Variants in SLCO4C1 observed in about 807,000 individuals in gnomAD.
The protein encoded by SLCO4C1 is solute carrier organic anion transporter family member 4C1, also known as organic anion transporter M1.
Under a neutral mutation model 72.1 loss-of-function variants are expected in SLCO4C1, and 58 were observed. The ratio of observed to expected loss-of-function variants is 0.80; its 90% confidence interval spans 0.65 to 1.00. The LOEUF (loss-of-function observed/expected upper bound fraction) is 1.00, where lower values mean the gene tolerates loss of function less well. Among genes scored for constraint, SLCO4C1 ranks in the 50% least tolerant of loss-of-function variants. The probability of loss-of-function intolerance (pLI) is 0.00; values close to 1 mark genes in which losing one functional copy is unlikely to be tolerated. For missense variants in SLCO4C1, 898 were observed against 857.9 expected (o/e 1.05, Z -0.58); for synonymous variants, 297 against 312.5 (o/e 0.95, Z 0.52).
At chr5:102,287,534 C>CTTTT (rs148132091) in intron 2 of SLCO4C1, among the ~76,000 whole-genome samples, 298 of 79,932 alleles carry the variant, frequency 3.7e-3, no homozygotes, top group Non-Finnish European at 5.1e-3. Context: ...TTTTTCACTT[C>CTTTT]TTTTTTTTTT....
At chr5:102,287,740 G>C (rs969187357) in intron 2 of SLCO4C1, among the ~76,000 whole-genome samples, 1 of 151,570 alleles carries the variant, frequency 6.6e-6, no homozygotes, top group Non-Finnish European at 1.5e-5. Flanking sequence ...ATTTTTAGTA[G>C]AGACGGGGTT....
intron 2 of SLCO4C1, among the ~76,000 whole-genome samples, chr5:102,288,389 A>C (rs545703970): frequency 3.2e-4 from 48 of 152,258 alleles, no homozygotes; most frequent in African/African-American, 1.1e-3. Context: ...TATATCCAAC[A>C]GAGTCCTATT....
At chr5:102,295,782 G>C (rs1277234473) in intron 1 of SLCO4C1, 126 bp downstream of exon 1, 1 of 950,352 alleles carries the variant, frequency 1.1e-6, no homozygotes, top group Non-Finnish European at 1.5e-6. Context: ...TTCCAAACCC[G>C]GGGCCACCTT....
chr5:102,270,843 C>A (rs751903097), intron 2 of SLCO4C1, 37 bp from the exon 3 acceptor site: 2 of 1,466,716 alleles, frequency 1.4e-6, no homozygotes, highest in South Asian at 2.8e-5. Flanking sequence ...TATAGAAATT[C>A]AGCTAATAAT....
intron 2 of SLCO4C1, among the ~76,000 whole-genome samples, chr5:102,285,611 T>C (rs1749437655): frequency 6.6e-6 from 1 of 152,160 alleles, no homozygotes; most frequent in Admixed American, 6.6e-5. Flanking sequence ...ATCTAGGAAG[T>C]ATGAGAAAGA....
rs766119306 is a variant in SLCO4C1, at chr5:102,249,717, G to A, written c.1541C>T (p.Pro514Leu). Residue 514 changes from proline to leucine, a missense_variant, in exon 9 of 13, where the codon CCT becomes CTT. Physicochemically the swap from Pro to Leu is moderately conservative, Grantham distance 98 (BLOSUM62 -3). Transcript: ENST00000310954. The part of the protein sequence containing the change: ...NCNCSRSYYY[P>L]VCGDGVQYFS... ...ATATTGGACTCCATCTCCACAGACA[G>A]GATAATAATATGATCGCGAACAGTT... 3.1e-6 allele frequency: 5 copies of A among 1,613,950 alleles called. No homozygotes were observed. In the South Asian group the frequency reaches 3.3e-5, roughly 11 times the overall value.
intron 2 of SLCO4C1, among the ~76,000 whole-genome samples, chr5:102,289,883 C>T (rs1404390049): frequency 6.6e-6 from 1 of 151,054 alleles, no homozygotes; most frequent in African/African-American, 2.5e-5. Context: ...CTAATAAGTG[C>T]ACTTCTAAAA....
intron 4 of SLCO4C1, among the ~76,000 whole-genome samples, chr5:102,262,481 T>G (rs956717004): frequency 6.6e-6 from 1 of 152,136 alleles, no homozygotes; most frequent in Non-Finnish European, 1.5e-5. Context: ...ATTTGTCTAT[T>G]TATTTCTTTG....
At chr5:102,268,803 T>C (rs765213859) in intron 3 of SLCO4C1, among the ~76,000 whole-genome samples, 4 of 152,176 alleles carry the variant, frequency 2.6e-5, no homozygotes, top group Non-Finnish European at 5.9e-5. Flanking sequence ...TGCTTCCAGA[T>C]GTAGAACTCC....
rs1470694510 is a variant in SLCO4C1, at chr5:102,239,313, C to A, written c.1952G>T (p.Gly651Val). The A allele has an allele frequency of 6.2e-7, 1 of 1,602,820 alleles. No homozygotes were observed. The highest frequency in any genetic ancestry group is 2.3e-5 in the East Asian group (1 of 44,346). ...ATAAATCCAGCAAGCTCCTTTAATT[C>A]CACAATCATTTATATCCCAAAGAAT... ...TCILWDINDC[G>V]IKGACWIYDN... is the part of the protein sequence containing the mutation. The change falls in exon 12 of 13, where the codon GGA (glycine) becomes GTA (valine). Residue 651 changes from glycine to valine, a missense_variant. Gly to Val is a moderately radical substitution (Grantham distance 109). Coordinates refer to ENST00000310954, the MANE Select transcript of SLCO4C1 (RefSeq NM_180991.5).
At chr5:102,239,481 A>T (rs1225135339) in intron 11 of SLCO4C1, 93 bp from the exon 12 acceptor site, 3 of 908,598 alleles carry the variant, frequency 3.3e-6, no homozygotes, top group Non-Finnish European at 3.0e-6. Context: ...ATTTTATAGA[A>T]ATAAAAATAA....
chr5:102,259,955 C>A (rs1051304399), intron 6 of SLCO4C1, among the ~76,000 whole-genome samples: 1 of 151,824 alleles, frequency 6.6e-6, no homozygotes, highest in East Asian at 1.9e-4. Context: ...TATAAGAGCT[C>A]AAATTGTAGT....
chr5:102,256,828 A>G (rs2112354722), intron 8 of SLCO4C1, among the ~76,000 whole-genome samples: 1 of 152,366 alleles, frequency 6.6e-6, no homozygotes, highest in Non-Finnish European at 1.5e-5. Context: ...TAGGATGTGA[A>G]TCGCTTAGAG....
chr5:102,266,672 G>GAA (rs148728058), intron 3 of SLCO4C1, among the ~76,000 whole-genome samples: 3 of 151,184 alleles, frequency 2.0e-5, no homozygotes, highest in African/African-American at 7.3e-5. Flanking sequence ...GAAAAGAAAA[G>GAA]AAAAAAAACA....
At position 102,258,080 on chromosome 5, in the gene SLCO4C1, A is replaced by C. The variant is rs201818684; in HGVS notation, c.1136T>G (p.Met379Arg). Residue 379 changes from methionine (M) to arginine (R), a missense_variant, in exon 7 of 13, where the codon ATG (methionine) becomes AGG (arginine). Coordinates refer to ENST00000310954, the MANE Select transcript of SLCO4C1 (RefSeq NM_180991.5). ...KDFPAALKNL[M>R]KNAVFMCLVL... is the part of the protein sequence containing the mutation. ...TAAACACATAAAGACAGCATTCTTC[A>C]TCAAATTCTAAAGAAAAAAATACAG... The C allele has an allele frequency of 3.0e-5, 47 of 1,544,972 alleles. No individual in the cohort carries two copies. Among genetic ancestry groups the C allele is most frequent in the Non-Finnish European group, 2.8e-5 (32 of 1,153,454 alleles).
intron 2 of SLCO4C1, among the ~76,000 whole-genome samples, chr5:102,274,753 T>C (rs1398516797): frequency 2.0e-5 from 3 of 152,152 alleles, no homozygotes; most frequent in Non-Finnish European, 4.4e-5. Context: ...AAACACCATC[T>C]CTCTTTCTCC....
Position 102,251,313 on chromosome 5 carries a change from C to A in SLCO4C1, c.1470-1525G>T, listed in dbSNP as rs374762964. On this transcript the variant is annotated intron_variant, in intron 8 of 12. Transcript: ENST00000310954. ...AGAGTATGAATTTGAAGAAAGGGGACCAGTTACAATACCCTAGACAGTAGG... is the reference window on the plus strand; with the variant it reads ...AGAGTATGAATTTGAAGAAAGGGGAACAGTTACAATACCCTAGACAGTAGG... Among the ~76,000 whole-genome samples, 98 of 152,062 alleles carry A rather than the reference C, an allele frequency of 6.4e-4. No homozygotes were observed. In the Middle Eastern group the frequency reaches 0.014, roughly 21 times the overall value.
At chr5:102,273,800 A>C (rs1749196897) in intron 2 of SLCO4C1, among the ~76,000 whole-genome samples, 1 of 152,212 alleles carries the variant, frequency 6.6e-6, no homozygotes, top group Non-Finnish European at 1.5e-5. Context: ...TACAGTTTAT[A>C]AAATAGCTAG....
At chr5:102,277,425 C>T (rs1232567318) in intron 2 of SLCO4C1, among the ~76,000 whole-genome samples, 3 of 152,048 alleles carry the variant, frequency 2.0e-5, no homozygotes, top group Admixed American at 2.0e-4. Context: ...AGAAGCACCC[C>T]CACTCCCTCT....
Sources: allele counts gnomAD v4.1 joint callset (sites outside exome capture counted in the v4.1 genomes callset), GRCh38; gene constraint gnomAD v4.1.1; transcripts MANE v1.5; gene names NCBI Gene and HGNC (gene_info 2026-07-23, HGNC 2026-07-21).